The following KIF7 variants were observed in gnomAD, a reference collection of about 807,000 sequenced individuals.
KIF7 encodes the protein kinesin family member 7, also known as kinesin-like protein KIF7.
KIF7 carries 104 observed loss-of-function variants against 135.7 expected under a neutral mutation model. The ratio of observed to expected loss-of-function variants is 0.77; its 90% CI spans 0.65 to 0.90. The LOEUF is 0.90. KIF7 is among the 40% of genes least tolerant of loss of function. The probability of loss-of-function intolerance (pLI) is 0.00; values close to 1 mark genes in which losing one functional copy is unlikely to be tolerated. For synonymous variants in KIF7, 883 were observed against 809.4 expected, an observed-to-expected ratio of 1.09 and a Z score of -1.54; for missense variants, 2,005 against 1,839.1, an observed-to-expected ratio of 1.09 and a Z score of -1.65.
chr15:89,622,238 A>G (rs1193358099), intron 1 of KIF7, among the ~76,000 whole-genome samples: 6 of 152,010 alleles, frequency 3.9e-5, no homozygotes, highest in Admixed American at 6.5e-5. Flanking sequence ...CACCTGCCTC[A>G]GCCTTCCAAA....
chr15:89,623,642 A>G, downstream of KIF7: 1 of 1,608,374 alleles, frequency 6.2e-7, no homozygotes, highest in Non-Finnish European at 8.5e-7. Context: ...AAGAGTCACC[A>G]GAAATCTCTG....
exon 2 of KIF7, chr15:89,618,192 TC>T (rs1963366196): frequency 3.1e-6 from 5 of 1,613,964 alleles, no homozygotes; most frequent in African/African-American, 1.3e-5. Context: ...TGTTGAAGAG[TC>T]CCCTGAAAAA....
rs557108382 is a variant in KIF7 at position 89,645,326 on chromosome 15, C to T, written c.2038+10G>A. On this transcript the variant is annotated intron_variant, in intron 9 of 18. Transcript: ENST00000394412. ...GGGAGGAGGCCCTCTCTGCATCCCA[C>T]CCAGCTTACCTCTGGACCCTGGAAT... 2.5e-6 allele frequency: 4 copies of T among 1,612,644 alleles called. No homozygotes were observed. Among genetic ancestry groups the T allele is most frequent in the Admixed American group, 1.7e-5 (1 of 60,020 alleles).
chr15:89,648,086 G>A (rs1259437186), intron 5 of KIF7, among the ~76,000 whole-genome samples, 169 bp downstream of exon 5: 2 of 152,136 alleles, frequency 1.3e-5, no homozygotes, highest in African/African-American at 2.4e-5. Flanking sequence ...CCTGAGACTC[G>A]GTGAAGTTAA....
At position 89,632,975 on chromosome 15, in the gene KIF7, A is replaced by C; in HGVS notation, c.2740T>G (p.Trp914Gly). ...QQQKIEEQKK[W>G]LDQEMEKVLQ... ...ACCTTCTCCATCTCCTGGTCCAGCCACTTCTTCTGCTCCTCAATCTTCTAA... is the reference window on the plus strand; with the variant it reads ...ACCTTCTCCATCTCCTGGTCCAGCCCCTTCTTCTGCTCCTCAATCTTCTAA... Residue 914 changes from tryptophan to glycine, a missense_variant, in exon 14 of 19, where the codon TGG becomes GGG. Transcript: ENST00000394412. 2 of 1,548,882 alleles carry C rather than the reference A, an allele frequency of 1.3e-6. No individual in the cohort carries two copies. The highest frequency in any genetic ancestry group is 2.2e-5 in the South Asian group (2 of 90,310).
chr15:89,632,617 T>C (rs1010706331), intron 14 of KIF7, among the ~76,000 whole-genome samples: 1 of 152,164 alleles, frequency 6.6e-6, no homozygotes, highest in African/African-American at 2.4e-5. Context: ...CTGGCAGAGA[T>C]ACCACCTAGA....
chr15:89,656,461 G>C (rs1286211678), upstream of KIF7, among the ~76,000 whole-genome samples: 1 of 151,854 alleles, frequency 6.6e-6, no homozygotes, highest in Non-Finnish European at 1.5e-5. Context: ...ACTCCAAGCT[G>C]ATTTCCTTCC....
At chr15:89,662,697 C>T in the KIF7 span, among the ~76,000 whole-genome samples, 1 of 152,150 alleles carries the variant, frequency 6.6e-6, no homozygotes, top group Non-Finnish European at 1.5e-5. Context: ...TCCTGAGCTA[C>T]ACTGAAGATA....
At chr15:89,656,868 A>G (rs1305216971), upstream of KIF7, among the ~76,000 whole-genome samples, 2 of 152,210 alleles carry the variant, frequency 1.3e-5, no homozygotes, top group Admixed American at 6.5e-5. Context: ...AACAAGAACA[A>G]CACAGAGCAG....
At chr15:89,646,667 C>A (rs1964018652) in intron 7 of KIF7, among the ~76,000 whole-genome samples, 163 bp downstream of exon 7, 1 of 152,196 alleles carries the variant, frequency 6.6e-6, no homozygotes, top group Non-Finnish European at 1.5e-5. Context: ...TCATTCAAAT[C>A]TTGGCTCTTC....
rs200610316 is a variant in KIF7, at chr15:89,628,937, A to C, written c.3664+39T>G. On this transcript the variant is annotated intron_variant, in intron 18 of 18. Coordinates refer to ENST00000394412, the MANE Select transcript of KIF7 (RefSeq NM_198525.3). ...TGGTCTCTAAGCTTTCCCCAAAGAA[A>C]GGGAACAGGTCTGACTTCAGAGCGC... The C allele has an allele frequency of 3.8e-5, 62 of 1,613,746 alleles. No homozygotes were observed. The Middle Eastern group carries it at 9.9e-4, about 26-fold the overall frequency.
upstream of KIF7, among the ~76,000 whole-genome samples, chr15:89,659,172 T>C (rs569555189): frequency 6.6e-6 from 1 of 152,050 alleles, no homozygotes; most frequent in Non-Finnish European, 1.5e-5. Context: ...TGGAAGAAGA[T>C]ATTTGTGATA....
chr15:89,626,547 C>T (rs898311695), downstream of KIF7, among the ~76,000 whole-genome samples: 1 of 152,156 alleles, frequency 6.6e-6, no homozygotes, highest in Non-Finnish European at 1.5e-5. Context: ...CTGTTAACTG[C>T]CCTGGTTAGC....
chr15:89,624,495 C>T (rs555982043), downstream of KIF7: 73 of 1,614,002 alleles, frequency 4.5e-5, no homozygotes, highest in Middle Eastern at 4.9e-4. Context: ...GAAGGAGCAT[C>T]GTGGAGTGTC....
chr15:89,618,015 T>G, intron 2 of KIF7: 1 of 868,430 alleles, frequency 1.2e-6, no homozygotes. Flanking sequence ...TAATCACGTA[T>G]GAGAGCCCTT....
chr15:89,633,994 G>T, intron 11 of KIF7, 111 bp from the exon 12 acceptor site: 1 of 1,120,686 alleles, frequency 8.9e-7, no homozygotes, highest in Non-Finnish European at 1.3e-6. Flanking sequence ...GTAGGTGGGT[G>T]ATAGACCAAT....
rs775093018 is a variant in KIF7, at chr15:89,633,787, T to C, written c.2491A>G (p.Met831Val). Reference sequence around the variant, plus strand: ...TGCAGCTGTCCCTGCTGCTGCCGCATGAGCTGCACGTTCCGCTCGAGCTCC... The same window carrying C: ...TGCAGCTGTCCCTGCTGCTGCCGCACGAGCTGCACGTTCCGCTCGAGCTCC... ...LQELERNVQL[M>V]RQQQGQLQRR... Residue 831 changes from methionine to valine, a missense_variant, in exon 12 of 19, where the codon ATG becomes GTG. Coordinates refer to ENST00000394412, the MANE Select transcript of KIF7 (RefSeq NM_198525.3). The C allele has an allele frequency of 8.7e-6, 14 of 1,611,850 alleles. No homozygotes were observed. The South Asian group carries it at 1.5e-4, about 18-fold the overall frequency.
At chr15:89,640,771 A>G (rs570421343) in intron 11 of KIF7, among the ~76,000 whole-genome samples, 34 of 151,344 alleles carry the variant, frequency 2.2e-4, no homozygotes, top group Non-Finnish European at 4.0e-4. Flanking sequence ...GGATCACCTG[A>G]GGTCAGGAGT....
At chr15:89,625,434 C>A, downstream of KIF7, 2 of 1,613,930 alleles carry the variant, frequency 1.2e-6, no homozygotes, top group South Asian at 2.2e-5. Flanking sequence ...TCGGTGCAGA[C>A]CTTCCTGGGA....
Sources: gnomAD v4.1 joint callset for allele counts (sites outside exome capture counted in the v4.1 genomes callset) on GRCh38, gnomAD v4.1.1 for gene constraint, MANE v1.5 for transcripts, NCBI Gene and HGNC (gene_info 2026-07-23, HGNC 2026-07-21) for gene names.